Variants in MARCHF5 observed in about 807,000 individuals in gnomAD.
The protein encoded by MARCHF5 is membrane associated ring-CH-type finger 5.
MARCHF5 carries 5 observed loss-of-function variants against 36.5 expected under a neutral mutation model. That is an observed-to-expected ratio of 0.14 (90% CI 0.07 to 0.29). MARCHF5 has a LOEUF of 0.29. Ranked by LOEUF, MARCHF5 falls within the 10% of genes least tolerant of loss-of-function variation. The pLI is 1.00. For synonymous variants in MARCHF5, 103 were observed against 109.9 expected, an observed-to-expected ratio of 0.94 and a Z score of 0.39; for missense variants, 179 against 336.3, an observed-to-expected ratio of 0.53 and a Z score of 3.66.
intron 1 of MARCHF5, among the ~76,000 whole-genome samples, chr10:92,291,758 T>C (rs145488138): frequency 1.3e-5 from 2 of 152,284 alleles, no homozygotes; most frequent in East Asian, 3.9e-4. Flanking sequence ...GGCGTCTGGT[T>C]TCCTTGGAAC....
rs1324455770 is a variant in MARCHF5 at position 92,302,875 on chromosome 10, G to A, written c.36-8260G>A. ...AGCAGTCATGTAAATACACTATTAT[G>A]GCACCATATATAATACAACAGCAGC... On this transcript the variant is annotated intron_variant, in intron 1 of 5. Transcript: ENST00000358935. 1.3e-5 allele frequency among the ~76,000 whole-genome samples: 2 copies of A among 152,128 alleles called. 1 individual carries two copies.
At chr10:92,309,109 TAATG>T (rs1401127854) in intron 1 of MARCHF5, among the ~76,000 whole-genome samples, 7 of 152,230 alleles carry the variant, frequency 4.6e-5, no homozygotes, top group African/African-American at 1.4e-4. Context: ...AAAATAAGAA[TAATG>T]AATGGATGTG....
chr10:92,325,113 A>C (rs1309800101), intron 2 of MARCHF5, among the ~76,000 whole-genome samples: 1 of 151,974 alleles, frequency 6.6e-6, no homozygotes, highest in Non-Finnish European at 1.5e-5. Flanking sequence ...CGGGGGGATC[A>C]TTTGCGCCTA....
Position 92,311,198 on chromosome 10 carries a change from C to T in MARCHF5, c.99C>T (p.Cys33=). ...GAACAGCTGAATGGGTGAGACCATG[C>T]AGGTGCAGAGGATCTACAAAATGGG... is the stretch of plus-strand genomic sequence containing the variant. The part of the protein sequence containing the change: ...DDRTAEWVRP[C]RCRGSTKWVH... Residue 33 remains cysteine, a synonymous_variant, in exon 2 of 6, where the codon TGC becomes TGT. Transcript: ENST00000358935. 1 of 1,614,068 alleles carries T rather than the reference C, an allele frequency of 6.2e-7. No homozygotes were observed. The highest frequency in any genetic ancestry group is 1.1e-5 in the South Asian group (1 of 91,074).
In MARCHF5 at chr10:92,291,389, T is replaced by G; in HGVS notation, c.-106T>G. ...GGAAGCTGGGTGACGGGTTCGCGGC[T>G]GCCGCCGGACTGCGGCCTACTCCGC... On this transcript the variant is annotated 5_prime_UTR_variant, in exon 1 of 6. Coordinates refer to ENST00000358935, the MANE Select transcript of MARCHF5 (RefSeq NM_017824.5). The G allele has an allele frequency of 9.4e-7, 1 of 1,063,682 alleles. No homozygotes were observed. The highest frequency in any genetic ancestry group is 2.0e-5 in the Admixed American group (1 of 49,748). The allele number at this position is 1,063,682 out of a possible 1,614,324, so 65.9% of individuals were successfully genotyped here.
intron 1 of MARCHF5, among the ~76,000 whole-genome samples, chr10:92,307,055 C>G (rs1843081945): frequency 6.6e-6 from 1 of 152,122 alleles, no homozygotes; most frequent in Non-Finnish European, 1.5e-5. Context: ...GACTATATGC[C>G]TGCAGTCCTA....
At chr10:92,347,523 TGATAGATATATAGATA>T (rs1843662848) in intron 3 of MARCHF5, among the ~76,000 whole-genome samples, 1 of 86,876 alleles carries the variant, frequency 1.2e-5, no homozygotes, top group African/African-American at 4.6e-5. Flanking sequence ...GATAGATAGA[TGATAGATATATAGATA>T]GATAGATAGA....
intron 1 of MARCHF5, among the ~76,000 whole-genome samples, chr10:92,309,852 A>G (rs900945177): frequency 4.6e-5 from 7 of 152,302 alleles, no homozygotes; most frequent in African/African-American, 1.7e-4. Context: ...AGAACAAAGT[A>G]TTTTTGGACA....
chr10:92,349,808 G>A lies in MARCHF5; in HGVS notation c.691G>A (p.Val231Ile). ...TIVGKLMFSS[V>I]NSNLQRTILG... is the part of the protein sequence containing the mutation. ...AGTTGGTAAATTGATGTTCAGTAGTGTTAACTCTAATTTACAAAGGACAAT... is the reference window on the plus strand; with the variant it reads ...AGTTGGTAAATTGATGTTCAGTAGTATTAACTCTAATTTACAAAGGACAAT... Residue 231 changes from valine to isoleucine, a missense_variant, in exon 5 of 6, where the codon GTT becomes ATT. Around this residue, in one of 3 missense-constraint regions of MARCHF5, gnomAD observed 95 missense variants for 139.5 expected, o/e 0.68. Transcript: ENST00000358935. 6.2e-7 allele frequency: 1 copy of A among 1,613,374 alleles called. No homozygotes were observed. Among genetic ancestry groups the A allele is most frequent in the Non-Finnish European group, 8.5e-7 (1 of 1,179,626 alleles).
chr10:92,308,259 A>G (rs1843101006), intron 1 of MARCHF5, among the ~76,000 whole-genome samples: 1 of 151,900 alleles, frequency 6.6e-6, no homozygotes, highest in Non-Finnish European at 1.5e-5. Context: ...CCCTTTCTAG[A>G]TCATATAGGG....
intron 1 of MARCHF5, chr10:92,308,447 A>C (rs561263452): frequency 1.3e-5 from 2 of 152,146 alleles, no homozygotes; most frequent in South Asian, 4.1e-4. Flanking sequence ...CTGACCTCAT[A>C]TATCATCTTG....
At chr10:92,329,035 C>A (rs944511432) in intron 2 of MARCHF5, among the ~76,000 whole-genome samples, 3 of 151,934 alleles carry the variant, frequency 2.0e-5, no homozygotes, top group Non-Finnish European at 4.4e-5. Flanking sequence ...CCTCTAGGTC[C>A]ATTGTTTCAT....
intron 3 of MARCHF5, among the ~76,000 whole-genome samples, chr10:92,348,962 G>A (rs1329832380): frequency 6.6e-6 from 1 of 152,208 alleles, no homozygotes; most frequent in East Asian, 1.9e-4. Flanking sequence ...CTAGAAGGAA[G>A]ATCAGGAAAA....
chr10:92,349,219 T>A, intron 3 of MARCHF5, 130 bp from the exon 4 acceptor site: 1 of 703,396 alleles, frequency 1.4e-6, no homozygotes, highest in Non-Finnish European at 2.3e-6. Flanking sequence ...GCTTTCCAGC[T>A]TATTTTTTAA....
intron 2 of MARCHF5, among the ~76,000 whole-genome samples, chr10:92,313,419 A>G (rs1430564610): frequency 1.3e-5 from 2 of 151,554 alleles, no homozygotes; most frequent in African/African-American, 4.9e-5. Context: ...CCTGGCTAAC[A>G]CAGTGAAACC....
intron 3 of MARCHF5, among the ~76,000 whole-genome samples, chr10:92,348,919 G>A (rs368742335): frequency 1.4e-4 from 21 of 152,290 alleles, no homozygotes; most frequent in African/African-American, 4.8e-4. Context: ...CTTGAAGGCC[G>A]GTCCTACCTC....
intron 3 of MARCHF5, among the ~76,000 whole-genome samples, chr10:92,342,135 C>T (rs969209387): frequency 3.5e-5 from 5 of 144,148 alleles, no homozygotes; most frequent in Middle Eastern, 3.5e-3. Flanking sequence ...GACTCTTCAC[C>T]CCCCTCAATA....
chr10:92,332,517 T>C lies in MARCHF5; in HGVS notation c.239-8156T>C, dbSNP rs1456379430. On this transcript the variant is annotated intron_variant, in intron 2 of 5. Transcript: ENST00000358935. ...CTATCGCATTAGGATTCCCCATCCT[T>C]TTTTTTTTTTTTTTTTTTTTGAGAC... 2.9e-5 allele frequency among the ~76,000 whole-genome samples: 4 copies of C among 139,734 alleles called. No individual in the cohort carries two copies. In the East Asian group the frequency reaches 8.2e-4, roughly 29 times the overall value. 91.7% of individuals were successfully genotyped at this position (139,734 alleles called of 152,430 possible).
chr10:92,338,808 AAC>A (rs1312519304), intron 2 of MARCHF5, among the ~76,000 whole-genome samples: 2 of 152,324 alleles, frequency 1.3e-5, no homozygotes, highest in African/African-American at 4.8e-5. Context: ...AGGGAAAATA[AAC>A]AGTTTTTGTG....
Sources: allele counts gnomAD v4.1 joint callset (sites outside exome capture counted in the v4.1 genomes callset), GRCh38; gene constraint gnomAD v4.1.1; regional missense constraint gnomAD v4.1.1; transcripts MANE v1.5; gene names NCBI Gene and HGNC (gene_info 2026-07-23, HGNC 2026-07-21).